SOX5: variants seen among roughly 807,000 people sequenced by gnomAD.
SOX5 encodes SRY-box transcription factor 5.
Under a neutral mutation model 92.0 loss-of-function variants are expected in SOX5, and 9 were observed. The ratio of observed to expected loss-of-function variants is 0.10; its 90% CI spans 0.06 to 0.17. The LOEUF is 0.17. SOX5 is among the 10% of genes least tolerant of loss of function. The pLI, the probability that SOX5 is intolerant of heterozygous loss-of-function variation, is 1.00. For synonymous variants in SOX5, 344 were observed against 336.3 expected (o/e 1.02, Z -0.25); for missense variants, 642 against 944.5 (o/e 0.68, Z 4.20).
At chr12:23,655,272 T>C (rs1361601557) in intron 7 of SOX5, among the ~76,000 whole-genome samples, 1 of 152,136 alleles carries the variant, frequency 6.6e-6, no homozygotes, top group Non-Finnish European at 1.5e-5. Context: ...TTTCCTTCTG[T>C]ATTCCCGCCT....
chr12:24,320,941 T>G (rs1055394354), intron 2 of SOX5, among the ~76,000 whole-genome samples: 3 of 152,094 alleles, frequency 2.0e-5, no homozygotes, highest in Non-Finnish European at 2.9e-5. Context: ...GTCGTGAAAC[T>G]GTCTTCTGTG....
At chr12:24,182,442 A>G (rs530538101) in intron 4 of SOX5, among the ~76,000 whole-genome samples, 6 of 152,230 alleles carry the variant, frequency 3.9e-5, no homozygotes, top group Non-Finnish European at 8.8e-5. Flanking sequence ...AATGATTTGT[A>G]GGAGCACTCA....
At chr12:23,664,497 G>A (rs2083510644) in intron 7 of SOX5, among the ~76,000 whole-genome samples, 1 of 151,994 alleles carries the variant, frequency 6.6e-6, no homozygotes, top group Non-Finnish European at 1.5e-5. Flanking sequence ...TGTTCTGGAA[G>A]ATATCTAGCT....
chr12:23,761,946 T>C (rs1343210579), intron 3 of SOX5, among the ~76,000 whole-genome samples: 3 of 152,132 alleles, frequency 2.0e-5, no homozygotes, highest in Non-Finnish European at 4.4e-5. Flanking sequence ...AAAAGGCTAA[T>C]TACACTTTAA....
At chr12:23,592,397 T>C (rs1197103710) in intron 9 of SOX5, among the ~76,000 whole-genome samples, 14 of 152,200 alleles carry the variant, frequency 9.2e-5, no homozygotes, top group Non-Finnish European at 2.9e-5. Flanking sequence ...AATCAGCTAG[T>C]TCACATTTGA....
Position 23,751,558 on chromosome 12 carries a change from A to T in SOX5, c.568+4080T>A, listed in dbSNP as rs186737939. Reference sequence around the variant, plus strand: ...ATTATCCCTTTCAAGCCACTGACTGACTCTATACATCTTCTATCTCAAACA... The same window carrying T: ...ATTATCCCTTTCAAGCCACTGACTGTCTCTATACATCTTCTATCTCAAACA... On this transcript the variant is annotated intron_variant, in intron 4 of 14. Transcript: ENST00000451604. Among the ~76,000 whole-genome samples, 29 of 151,862 alleles carry T rather than the reference A, an allele frequency of 1.9e-4. No individual in the cohort carries two copies. In the East Asian group the frequency reaches 5.4e-3, roughly 28 times the overall value.
At chr12:24,098,766 T>C (rs1945730890) in intron 4 of SOX5, among the ~76,000 whole-genome samples, 1 of 152,094 alleles carries the variant, frequency 6.6e-6, no homozygotes. Context: ...CTTGTGCAGC[T>C]CCTGAACACA....
chr12:24,240,395 C>G (rs1965344096), intron 3 of SOX5, among the ~76,000 whole-genome samples: 1 of 152,148 alleles, frequency 6.6e-6, no homozygotes, highest in Non-Finnish European at 1.5e-5. Flanking sequence ...TCTGTAAAAC[C>G]ACATTTCCCA....
At chr12:23,636,394 G>T (rs1049580545) in intron 8 of SOX5, among the ~76,000 whole-genome samples, 2 of 152,178 alleles carry the variant, frequency 1.3e-5, no homozygotes, top group Admixed American at 6.5e-5. Context: ...ACAGTAGTTT[G>T]CTTTAAAGCA....
chr12:23,605,161 G>A (rs187670105), intron 8 of SOX5, among the ~76,000 whole-genome samples: 6 of 152,094 alleles, frequency 3.9e-5, no homozygotes, highest in Admixed American at 1.3e-4. Flanking sequence ...TTATCTTGAC[G>A]ACTAAGGTTT....
chr12:24,370,025 A>C (rs1391503116), intron 1 of SOX5, among the ~76,000 whole-genome samples: 1 of 152,022 alleles, frequency 6.6e-6, no homozygotes, highest in Non-Finnish European at 1.5e-5. Flanking sequence ...CCAATAATAG[A>C]TATAGAAATT....
intron 3 of SOX5, among the ~76,000 whole-genome samples, chr12:24,254,973 C>T (rs1356074066): frequency 6.6e-6 from 1 of 151,912 alleles, no homozygotes; most frequent in Non-Finnish European, 1.5e-5. Context: ...GGCTCTTCAA[C>T]TATTAATATA....
chr12:24,344,281 C>CAAAAAAA (rs61660537), intron 2 of SOX5, among the ~76,000 whole-genome samples: 5 of 104,324 alleles, frequency 4.8e-5, no homozygotes, highest in African/African-American at 1.8e-4. Flanking sequence ...GACTCTGTCT[C>CAAAAAAA]AAAAAAAAAA....
At chr12:23,703,531 A>G (rs1377334406) in intron 6 of SOX5, among the ~76,000 whole-genome samples, 2 of 151,990 alleles carry the variant, frequency 1.3e-5, no homozygotes, top group African/African-American at 4.8e-5. Context: ...AAGCTGAAGG[A>G]CAGAGAATGA....
intron 3 of SOX5, among the ~76,000 whole-genome samples, chr12:23,815,348 T>A (rs2095967948): frequency 6.6e-6 from 1 of 152,330 alleles, no homozygotes; most frequent in African/African-American, 2.4e-5. Context: ...AATTACTATA[T>A]AGACCACAAA....
intron 1 of SOX5, among the ~76,000 whole-genome samples, chr12:24,422,715 T>C (rs1508227): frequency 0.13 from 19,945 of 152,228 alleles, 1,601 homozygotes; most frequent in Non-Finnish European, 0.18. Context: ...AAGGTAACAA[T>C]TTAGAATATT....
intron 4 of SOX5, among the ~76,000 whole-genome samples, chr12:24,173,704 A>G (rs1410911950): frequency 2.6e-5 from 4 of 152,146 alleles, no homozygotes; most frequent in Non-Finnish European, 4.4e-5. Context: ...TTAATATTTT[A>G]ATACAGATGC....
At chr12:23,591,764 G>T (rs1951594236) in intron 9 of SOX5, among the ~76,000 whole-genome samples, 1 of 152,068 alleles carries the variant, frequency 6.6e-6, no homozygotes, top group South Asian at 2.1e-4. Flanking sequence ...GAGAAGTATA[G>T]AAAACACAAA....
At chr12:24,554,427 C>T (rs550812247) in intron 1 of SOX5, among the ~76,000 whole-genome samples, 22 of 152,228 alleles carry the variant, frequency 1.4e-4, no homozygotes, top group East Asian at 3.9e-4. Context: ...TGAAGCAACC[C>T]GTGCTCACTC....
Sources: allele counts gnomAD v4.1 joint callset (sites outside exome capture counted in the v4.1 genomes callset), GRCh38; gene constraint gnomAD v4.1.1; transcripts MANE v1.5; gene names NCBI Gene and HGNC (gene_info 2026-07-23, HGNC 2026-07-21).